Variants in PCNX1 observed in about 807,000 individuals in gnomAD.
The protein encoded by PCNX1 is pecanex 1.
In PCNX1, 78 loss-of-function variants were observed where a neutral mutation model predicts 242.2. That is an observed-to-expected ratio of 0.32 (90% confidence interval 0.27 to 0.39). The LOEUF is 0.39. PCNX1 is among the 10% of genes least tolerant of loss of function. The pLI, the probability that PCNX1 is intolerant of heterozygous loss-of-function variation, is 1.00. For synonymous variants in PCNX1, 1,024 were observed against 1,032.9 expected, an observed-to-expected ratio of 0.99 and a Z score of 0.17; for missense variants, 2,581 against 2,856.5, an observed-to-expected ratio of 0.90 and a Z score of 2.20.
At chr14:70,988,510 C>G in intron 6 of PCNX1, 57 bp from the exon 7 acceptor site, 1 of 1,575,612 alleles carries the variant, frequency 6.3e-7, no homozygotes, top group Non-Finnish European at 8.7e-7. Context: ...CCAGGCTCAG[C>G]TGCTATTTAC....
intron 2 of PCNX1, among the ~76,000 whole-genome samples, chr14:70,959,199 C>T (rs753819649): frequency 2.7e-5 from 4 of 147,654 alleles, no homozygotes; most frequent in African/African-American, 9.9e-5. Flanking sequence ...GTTTTTTCCC[C>T]GTAAATCTGG....
At chr14:71,045,353 C>G in intron 20 of PCNX1, 70 bp downstream of exon 20, 1 of 1,091,754 alleles carries the variant, frequency 9.2e-7, no homozygotes, top group South Asian at 1.5e-5. Flanking sequence ...TGATAGATGA[C>G]TGAGTTAAGT....
chr14:71,037,409 G>T (rs1473944494), intron 19 of PCNX1, among the ~76,000 whole-genome samples: 11 of 142,146 alleles, frequency 7.7e-5, no homozygotes, highest in Non-Finnish European at 1.1e-4. Flanking sequence ...CATTCAGTAT[G>T]ATATTGGCTG....
At chr14:70,919,320 A>G (rs753122741) in intron 1 of PCNX1, among the ~76,000 whole-genome samples, 55 of 152,174 alleles carry the variant, frequency 3.6e-4, no homozygotes, top group Non-Finnish European at 7.3e-4. Flanking sequence ...CTGCACTAAC[A>G]TATTGCATAA....
chr14:71,028,879 C>A, intron 16 of PCNX1, 88 bp downstream of exon 16: 2 of 704,984 alleles, frequency 2.8e-6, no homozygotes, highest in East Asian at 2.9e-5. Context: ...TGATTTCTTC[C>A]CCTGGTATCG....
At chr14:71,014,984 A>G (rs2059922586) in intron 11 of PCNX1, among the ~76,000 whole-genome samples, 1 of 152,214 alleles carries the variant, frequency 6.6e-6, no homozygotes, top group Non-Finnish European at 1.5e-5. Flanking sequence ...AGGAGCAAGG[A>G]TAAGGAAGAC....
intron 8 of PCNX1, among the ~76,000 whole-genome samples, chr14:71,000,617 C>T (rs964540492): frequency 2.6e-5 from 4 of 151,278 alleles, no homozygotes; most frequent in African/African-American, 9.7e-5. Flanking sequence ...ACCTCCGCCT[C>T]CTGGGTTCAA....
intron 6 of PCNX1, among the ~76,000 whole-genome samples, chr14:70,987,676 C>T (rs2059038909): frequency 6.6e-6 from 1 of 152,084 alleles, no homozygotes; most frequent in South Asian, 2.1e-4. Context: ...GGATGAAAAT[C>T]ATTTTACATT....
intron 28 of PCNX1, chr14:71,085,777 A>G (rs2061973088): frequency 2.8e-6 from 1 of 361,798 alleles, no homozygotes; most frequent in Non-Finnish European, 5.6e-6. Context: ...CATAAGGCCC[A>G]GACCCCAGCT....
At chr14:71,090,680 T>TA (rs1243766410) in intron 30 of PCNX1, among the ~76,000 whole-genome samples, 1 of 152,248 alleles carries the variant, frequency 6.6e-6, no homozygotes, top group Non-Finnish European at 1.5e-5. Context: ...TTTTAAAACT[T>TA]AGACATTTCT....
intron 1 of PCNX1, among the ~76,000 whole-genome samples, chr14:70,941,959 T>A (rs1441030350): frequency 6.6e-6 from 1 of 152,150 alleles, no homozygotes; most frequent in East Asian, 1.9e-4. Flanking sequence ...CCTGGTGTGT[T>A]GTTTGCTAAG....
chr14:71,041,937 T>A (rs1337443837), intron 19 of PCNX1, among the ~76,000 whole-genome samples: 1 of 152,196 alleles, frequency 6.6e-6, no homozygotes, highest in East Asian at 1.9e-4. Flanking sequence ...ATTGACCCAG[T>A]GTTCATTCAG....
At chr14:70,961,202 C>T (rs981431824) in intron 2 of PCNX1, among the ~76,000 whole-genome samples, 23 of 152,176 alleles carry the variant, frequency 1.5e-4, no homozygotes, top group Admixed American at 5.9e-4. Context: ...GAGCCCACAT[C>T]GCCAAGTCAA....
chr14:70,963,261 GTTGACCC>G (rs1199984560), intron 3 of PCNX1, among the ~76,000 whole-genome samples: 3 of 152,144 alleles, frequency 2.0e-5, no homozygotes, highest in African/African-American at 7.2e-5. Context: ...ACCTTATGGT[GTTGACCC>G]TTTCTTTTGC....
intron 1 of PCNX1, among the ~76,000 whole-genome samples, chr14:70,944,618 G>A (rs1336759504): frequency 6.6e-6 from 1 of 152,186 alleles, no homozygotes; most frequent in East Asian, 1.9e-4. Context: ...GGGACAGTTG[G>A]CAGCACGTGA....
chr14:70,989,011 A>G (rs1285101329), intron 7 of PCNX1, among the ~76,000 whole-genome samples: 1 of 151,940 alleles, frequency 6.6e-6, no homozygotes, highest in African/African-American at 2.4e-5. Flanking sequence ...CCCACTCCAA[A>G]TTAATAATCA....
At chr14:71,049,583 C>G (rs1396053561) in intron 22 of PCNX1, among the ~76,000 whole-genome samples, 1 of 152,082 alleles carries the variant, frequency 6.6e-6, no homozygotes, top group Non-Finnish European at 1.5e-5. Flanking sequence ...TGAGTCATTG[C>G]TTTTAAGTCA....
intron 33 of PCNX1, among the ~76,000 whole-genome samples, chr14:71,105,734 G>T (rs567850327): frequency 6.6e-6 from 1 of 151,110 alleles, no homozygotes; most frequent in African/African-American, 2.4e-5. Flanking sequence ...GTAGAGACAG[G>T]GTTTCACCAT....
At chr14:70,948,672 T>G (rs1269385907) in intron 2 of PCNX1, among the ~76,000 whole-genome samples, 1 of 148,980 alleles carries the variant, frequency 6.7e-6, no homozygotes, top group African/African-American at 2.5e-5. Flanking sequence ...CACGTGTCTA[T>G]ATAGATGTGT....
Sources: gnomAD v4.1 joint callset for allele counts (sites outside exome capture counted in the v4.1 genomes callset) on GRCh38, gnomAD v4.1.1 for gene constraint, MANE v1.5 for transcripts, NCBI Gene and HGNC (gene_info 2026-07-23, HGNC 2026-07-21) for gene names.